The following RASA3 variants were observed in gnomAD, a reference collection of about 807,000 sequenced individuals.
RASA3 encodes RAS p21 protein activator 3, also known as ras GTPase-activating protein 3.
RASA3 carries 73 observed loss-of-function variants against 110.0 expected under a neutral mutation model. That is an observed-to-expected ratio of 0.66 (90% CI 0.55 to 0.81). RASA3 has a LOEUF of 0.81. Among genes scored for constraint, RASA3 ranks in the 30% least tolerant of loss-of-function variants. The pLI, the probability that RASA3 is intolerant of heterozygous loss-of-function variation, is 0.00. For synonymous variants in RASA3, 500 were observed against 451.4 expected, an observed-to-expected ratio of 1.11 and a Z score of -1.37; for missense variants, 976 against 1,113.2, an observed-to-expected ratio of 0.88 and a Z score of 1.75.
At chr13:114,025,716 T>G (rs1327458374) in intron 7 of RASA3, among the ~76,000 whole-genome samples, 1 of 152,150 alleles carries the variant, frequency 6.6e-6, no homozygotes, top group Non-Finnish European at 1.5e-5. Context: ...ATTTAGAGAG[T>G]TAAAGGGTCT....
intron 1 of RASA3, among the ~76,000 whole-genome samples, chr13:114,104,802 G>C (rs1457231432): frequency 1.3e-5 from 2 of 151,994 alleles, no homozygotes; most frequent in South Asian, 2.1e-4. Flanking sequence ...GTTCTGGAGG[G>C]GGGGCTACCG....
At chr13:113,990,751 ATG>A (rs1476310774) in intron 22 of RASA3, among the ~76,000 whole-genome samples, 2 of 152,242 alleles carry the variant, frequency 1.3e-5, no homozygotes, top group Admixed American at 1.3e-4. Context: ...GGGCCTGCAC[ATG>A]TGAGCGTGTT....
chr13:114,114,228 G>T lies in RASA3; in HGVS notation c.55+18207C>A, dbSNP rs372452779. Among the ~76,000 whole-genome samples, 9 of 152,354 alleles carry T rather than the reference G, an allele frequency of 5.9e-5. No homozygotes were observed. The East Asian group carries it at 1.7e-3, about 29-fold the overall frequency. The stretch of plus-strand genomic sequence containing the variant: ...AGAGACCTGGCCTATCCTCAGCACA[G>T]CCCATGTGACGTTAGAAAGGCAACC... On this transcript the variant is annotated intron_variant, in intron 1 of 23. Coordinates refer to ENST00000334062, the MANE Select transcript of RASA3 (RefSeq NM_007368.4). The surrounding 1 kb of genome is among the most constrained non-coding windows in gnomAD (Gnocchi z 4.8).
intron 1 of RASA3, among the ~76,000 whole-genome samples, chr13:114,079,809 GGGCCTGAGTGCCCGTCC>G (rs1383552020): frequency 6.6e-6 from 1 of 152,184 alleles, no homozygotes; most frequent in Non-Finnish European, 1.5e-5. Context: ...GCCTCTGAGT[GGGCCTGAGTGCCCGTCC>G]GCACTGGCCT....
Position 114,007,463 on chromosome 13 carries a change from C to T in RASA3, c.1742+70G>A. ...GGACACCACCTTACCCTTCTCCCCT[C>T]CTGCCCTGCTGGACACCACCTTACC... On this transcript the variant is annotated intron_variant, in intron 18 of 23. Coordinates refer to ENST00000334062, the MANE Select transcript of RASA3 (RefSeq NM_007368.4). 6.3e-6 allele frequency: 5 copies of T among 795,032 alleles called. 2 individuals are homozygous for T. Among genetic ancestry groups the T allele is most frequent in the Non-Finnish European group, 9.7e-6 (5 of 517,730 alleles). The allele number at this position is 795,032 out of a possible 1,614,324, so 49.2% of individuals were successfully genotyped here.
At chr13:114,034,018 C>A (rs1202334219) in intron 4 of RASA3, among the ~76,000 whole-genome samples, 2 of 152,264 alleles carry the variant, frequency 1.3e-5, no homozygotes, top group South Asian at 2.1e-4. Context: ...GTGGTCCTCA[C>A]CGCCTGGCAG....
At chr13:114,117,094 C>T (rs1439103571) in intron 1 of RASA3, among the ~76,000 whole-genome samples, 1 of 117,296 alleles carries the variant, frequency 8.5e-6, no homozygotes, top group African/African-American at 3.5e-5. Context: ...GTGAGGGATG[C>T]ATGTGTGTGA....
chr13:114,122,348 G>A lies in RASA3; in HGVS notation c.55+10087C>T, dbSNP rs115823843. Among the ~76,000 whole-genome samples, 567 of 152,324 alleles carry A rather than the reference G, an allele frequency of 3.7e-3. 5 individuals are homozygous for A. The South Asian group carries it at 0.053, about 14-fold the overall frequency. On this transcript the variant is annotated intron_variant, in intron 1 of 23. Coordinates refer to ENST00000334062, the MANE Select transcript of RASA3 (RefSeq NM_007368.4). ...CCACCCGGACCTCGGAGGAGAGTCC[G>A]GCATGGCCAGTCCCCTGGGCTCTGC...
chr13:114,068,274 T>C (rs1477435063), intron 2 of RASA3, among the ~76,000 whole-genome samples: 1 of 152,166 alleles, frequency 6.6e-6, no homozygotes, highest in African/African-American at 2.4e-5. Flanking sequence ...TCAACCCCAG[T>C]GGCAGGGGGT....
At chr13:114,037,031 C>G (rs777214849) in intron 4 of RASA3, among the ~76,000 whole-genome samples, 1 of 152,144 alleles carries the variant, frequency 6.6e-6, no homozygotes, top group Admixed American at 6.5e-5. Context: ...AGTGCAAATT[C>G]CCGGGAGACT....
chr13:114,056,691 T>C lies in RASA3; in HGVS notation c.174-4536A>G, dbSNP rs1003119065. ...TGGAAATTGAGGTGCTTAAAATTCA[T>C]AAATAAACCAGAAATCCATTCAATA... On this transcript the variant is annotated intron_variant, in intron 2 of 23. Coordinates refer to ENST00000334062, the MANE Select transcript of RASA3 (RefSeq NM_007368.4). The surrounding 1 kb of genome is among the most constrained non-coding windows in gnomAD (Gnocchi z 5.7). 6.1e-6 allele frequency: 6 copies of C among 980,634 alleles called. No individual in the cohort carries two copies. In the African/African-American group the frequency reaches 8.8e-5, roughly 14 times the overall value. 60.7% of individuals were successfully genotyped at this position (980,634 alleles called of 1,614,324 possible). A position where few individuals can be genotyped will look rare whatever the true frequency, so the allele number is the denominator to read the frequency against.
At chr13:114,027,994 C>T (rs1229977291) in intron 5 of RASA3, 67 bp from the exon 6 acceptor site, 1 of 1,386,002 alleles carries the variant, frequency 7.2e-7, no homozygotes, top group Non-Finnish European at 1.0e-6. Context: ...CGAGACAGCT[C>T]TGGGTCAGGC....
chr13:114,009,418 T>G lies in RASA3; in HGVS notation c.1637A>C (p.Asn546Thr), dbSNP rs756484065. 1 of 1,612,504 alleles carries G rather than the reference T, an allele frequency of 6.2e-7. No homozygotes were observed. Among genetic ancestry groups the G allele is most frequent in the African/African-American group, 1.3e-5 (1 of 74,944 alleles). The change falls in exon 17 of 24, where the codon AAT becomes ACT. Residue 546 changes from asparagine (N) to threonine (T), a missense_variant. By Grantham distance (65) the Asn-to-Thr change is moderately conservative (BLOSUM62 0). This residue lies in a region of RASA3 where 732 missense variants were observed against 779.7 expected (regional missense o/e 0.94). Coordinates refer to ENST00000334062, the MANE Select transcript of RASA3 (RefSeq NM_007368.4). ...SYMATFYEFF[N>T]EQKYADAVKN... The stretch of plus-strand genomic sequence containing the variant: ...CACCGCATCAGCATATTTCTGCTCA[T>G]TGAAGAATTCATAAAATGTAGCCAT...
intron 2 of RASA3, among the ~76,000 whole-genome samples, chr13:114,054,300 A>C (rs929576883): frequency 6.6e-6 from 1 of 152,268 alleles, no homozygotes; most frequent in Non-Finnish European, 1.5e-5. Context: ...TTGAACACAC[A>C]TATCACCAAA....
At chr13:113,980,285 G>A (rs969449603) in intron 23 of RASA3, among the ~76,000 whole-genome samples, 15 of 143,060 alleles carry the variant, frequency 1.0e-4, no homozygotes, top group Admixed American at 5.5e-4. Flanking sequence ...CCTCCCACGT[G>A]TGCACCTTCT....
Position 114,015,261 on chromosome 13 carries a change from G to T in RASA3, c.1353C>A (p.Val451=). 1 of 1,613,246 alleles carries T rather than the reference G, an allele frequency of 6.2e-7. No individual in the cohort carries two copies. The highest frequency in any genetic ancestry group is 8.5e-7 in the Non-Finnish European group (1 of 1,179,998). ...ITESGVSCPT[V]MCDIFFSLRE... Reference sequence around the variant, plus strand: ...GGAGGGAGAAGAAGATGTCACACATGACGGTCGGGCAGCTCACCCCAGACT... The same window carrying T: ...GGAGGGAGAAGAAGATGTCACACATTACGGTCGGGCAGCTCACCCCAGACT... The change falls in exon 14 of 24, where the codon GTC becomes GTA. Residue 451 remains valine, a synonymous_variant. Transcript: ENST00000334062.
chr13:114,019,587 C>A (rs1034224551), intron 9 of RASA3, among the ~76,000 whole-genome samples: 30 of 150,984 alleles, frequency 2.0e-4, no homozygotes, highest in Non-Finnish European at 4.3e-4. Flanking sequence ...ATTAGCAGCC[C>A]GGTCAGGTTG....
At chr13:114,017,583 C>T (rs1309753575) in intron 11 of RASA3, among the ~76,000 whole-genome samples, 1 of 152,252 alleles carries the variant, frequency 6.6e-6, no homozygotes, top group Non-Finnish European at 1.5e-5. Flanking sequence ...CCTGCGTGGC[C>T]ACCAGCTCAG....
At chr13:114,042,213 G>A (rs965114885) in intron 3 of RASA3, among the ~76,000 whole-genome samples, 2 of 152,164 alleles carry the variant, frequency 1.3e-5, no homozygotes, top group African/African-American at 2.4e-5. Context: ...CTTGTCAGGC[G>A]CTGGGCACCG....
Sources: gnomAD v4.1 joint callset for allele counts (sites outside exome capture counted in the v4.1 genomes callset) on GRCh38, gnomAD v4.1.1 for gene constraint, gnomAD v4.1.1 regional missense constraint, Gnocchi (gnomAD v3.1) non-coding constraint, MANE v1.5 for transcripts, NCBI Gene and HGNC (gene_info 2026-07-23, HGNC 2026-07-21) for gene names.